MSRA: variants seen among roughly 807,000 people sequenced by gnomAD.
MSRA encodes methionine sulfoxide reductase A.
A neutral mutation model predicts 31.3 loss-of-function variants in MSRA; 54 were observed. That is an observed-to-expected ratio of 1.73 (90% CI 1.39 to 2.17). The LOEUF (loss-of-function observed/expected upper bound fraction) is 2.17, where lower values mean the gene tolerates loss of function less well. Among genes scored for constraint, MSRA ranks in the 30% most tolerant of loss-of-function variants. MSRA has a pLI of 0.00. For missense variants in MSRA, 507 were observed against 300.9 expected, an observed-to-expected ratio of 1.69 and a Z score of -5.07; for synonymous variants, 169 against 116.5, an observed-to-expected ratio of 1.45 and a Z score of -2.90.
chr8:10,295,611 C>G (rs141732273), intron 3 of MSRA, among the ~76,000 whole-genome samples: 1 of 152,346 alleles, frequency 6.6e-6, no homozygotes, highest in African/African-American at 2.4e-5. Context: ...CGAAGCACCA[C>G]CATTTCTATG....
intron 2 of MSRA, among the ~76,000 whole-genome samples, chr8:10,230,536 A>G (rs1811374472): frequency 6.6e-6 from 1 of 152,210 alleles, no homozygotes; most frequent in Admixed American, 6.5e-5. Flanking sequence ...AAAATATATG[A>G]AAATACAAAA....
At chr8:10,280,236 A>G (rs1162306916) in intron 3 of MSRA, among the ~76,000 whole-genome samples, 1 of 151,616 alleles carries the variant, frequency 6.6e-6, no homozygotes, top group East Asian at 1.9e-4. Flanking sequence ...ACCTTTCTAT[A>G]AAGTGTTCTA....
intron 2 of MSRA, among the ~76,000 whole-genome samples, chr8:10,240,083 G>C (rs1412852540): frequency 1.3e-5 from 2 of 152,190 alleles, no homozygotes; most frequent in Non-Finnish European, 2.9e-5. Context: ...TGTTATTTAG[G>C]GGACAGAAGT....
At position 10,348,488 on chromosome 8, in the gene MSRA, G is replaced by A. The variant is rs189132162; in HGVS notation, c.543+28499G>A. 2.7e-5 allele frequency among the ~76,000 whole-genome samples: 4 copies of A among 147,740 alleles called. No individual in the cohort carries two copies. The East Asian group carries it at 8.4e-4, about 31-fold the overall frequency. On this transcript the variant is annotated intron_variant, in intron 5 of 5. Coordinates refer to ENST00000317173, the MANE Select transcript of MSRA (RefSeq NM_012331.5). ...GTGTTCAAGCAGTTCTCCTGCCTCA[G>A]CCTTCCAAGTAGCCGGGACTACAAG... is the stretch of plus-strand genomic sequence containing the variant.
At chr8:10,369,150 A>G (rs895630265) in intron 5 of MSRA, among the ~76,000 whole-genome samples, 3 of 152,214 alleles carry the variant, frequency 2.0e-5, no homozygotes, top group Admixed American at 6.5e-5. Context: ...TTTAAGGATG[A>G]AGTATTAAGT....
At chr8:10,071,802 A>G (rs377390842) in intron 1 of MSRA, among the ~76,000 whole-genome samples, 1 of 152,322 alleles carries the variant, frequency 6.6e-6, no homozygotes, top group East Asian at 1.9e-4. Context: ...AAAAACCATC[A>G]TTATGCCAAC....
intron 1 of MSRA, among the ~76,000 whole-genome samples, chr8:10,166,519 G>C (rs551265655): frequency 6.6e-6 from 1 of 152,130 alleles, no homozygotes; most frequent in African/African-American, 2.4e-5. Flanking sequence ...ATTTGTGTGT[G>C]TGTGCATATG....
intron 1 of MSRA, among the ~76,000 whole-genome samples, chr8:10,169,481 A>G (rs1230684118): frequency 6.6e-6 from 1 of 152,344 alleles, no homozygotes; most frequent in African/African-American, 2.4e-5. Flanking sequence ...AAAGTGGATC[A>G]TAAACCTAGG....
chr8:10,395,191 T>A (rs75668952), intron 5 of MSRA, among the ~76,000 whole-genome samples: 35 of 152,244 alleles, frequency 2.3e-4, no homozygotes, highest in African/African-American at 8.4e-4. Flanking sequence ...CATGGTCCTA[T>A]TTAAGAGTGT....
chr8:10,267,379 G>A (rs1402593220), intron 3 of MSRA, among the ~76,000 whole-genome samples: 1 of 152,198 alleles, frequency 6.6e-6, no homozygotes, highest in Non-Finnish European at 1.5e-5. Flanking sequence ...GAGGGAAGGA[G>A]TTGATTTTGG....
At chr8:10,393,210 C>G (rs1287247731) in intron 5 of MSRA, among the ~76,000 whole-genome samples, 4 of 152,090 alleles carry the variant, frequency 2.6e-5, no homozygotes, top group Non-Finnish European at 5.9e-5. Flanking sequence ...TGTTTCTATT[C>G]AGTGTAAGAA....
intron 3 of MSRA, among the ~76,000 whole-genome samples, chr8:10,250,076 T>G (rs1012668023): frequency 7.9e-5 from 12 of 152,178 alleles, no homozygotes; most frequent in Non-Finnish European, 1.5e-4. Flanking sequence ...CACATTTGTT[T>G]TAAGAAGTTG....
At position 10,292,802 on chromosome 8, in the gene MSRA, A is replaced by G. The variant is rs533970811; in HGVS notation, c.332-8732A>G. Among the ~76,000 whole-genome samples the G allele has an allele frequency of 1.6e-4, 24 of 152,216 alleles. No homozygotes were observed. The South Asian group carries it at 5.0e-3, about 32-fold the overall frequency. On this transcript the variant is annotated intron_variant, in intron 3 of 5. Transcript: ENST00000317173. ...CAGGACCTGGGGTGACCCTGAGGGC[A>G]GAGAGGGCTTGGTGGGCGAGCCCTA... is the stretch of plus-strand genomic sequence containing the variant.
At chr8:10,123,156 G>A (rs1454946712) in intron 1 of MSRA, among the ~76,000 whole-genome samples, 4 of 152,188 alleles carry the variant, frequency 2.6e-5, no homozygotes, top group African/African-American at 9.6e-5. Flanking sequence ...GTGTGTAAGT[G>A]TTTTCTTCTC....
chr8:10,165,872 G>A (rs979099363), intron 1 of MSRA, among the ~76,000 whole-genome samples: 11 of 151,140 alleles, frequency 7.3e-5, no homozygotes, highest in African/African-American at 2.7e-4. Context: ...AAATAACTCT[G>A]TGAGCAGTTA....
chr8:10,232,661 T>C (rs1301584600), intron 2 of MSRA, among the ~76,000 whole-genome samples: 1 of 152,220 alleles, frequency 6.6e-6, no homozygotes, highest in African/African-American at 2.4e-5. Flanking sequence ...AGATTTCATA[T>C]GAGAACCCAA....
chr8:10,102,978 T>C (rs1427213577), intron 1 of MSRA, among the ~76,000 whole-genome samples: 2 of 152,218 alleles, frequency 1.3e-5, no homozygotes, highest in East Asian at 1.9e-4. Flanking sequence ...TGTTTAATGA[T>C]AGTTACATTC....
intron 2 of MSRA, among the ~76,000 whole-genome samples, chr8:10,237,235 G>A (rs564377375): frequency 3.4e-4 from 52 of 152,314 alleles, no homozygotes; most frequent in Non-Finnish European, 6.0e-4. Context: ...AACTTGGTGT[G>A]GGGGTGGAGC....
intron 2 of MSRA, among the ~76,000 whole-genome samples, chr8:10,210,339 TC>T (rs2129061243): frequency 6.6e-6 from 1 of 152,304 alleles, no homozygotes; most frequent in East Asian, 1.9e-4. Flanking sequence ...GTTGTGATGT[TC>T]CCTGACTCTC....
Sources: allele counts gnomAD v4.1 joint callset (sites outside exome capture counted in the v4.1 genomes callset), GRCh38; gene constraint gnomAD v4.1.1; transcripts MANE v1.5; gene names NCBI Gene and HGNC (gene_info 2026-07-23, HGNC 2026-07-21).